The following PCDHGA2 variants were observed in gnomAD, a reference collection of about 807,000 sequenced individuals.
PCDHGA2 encodes protocadherin gamma-A2.
A neutral mutation model predicts 59.2 loss-of-function variants in PCDHGA2; 40 were observed. The observed-to-expected ratio is 0.68, with a 90% CI of 0.52 to 0.88. PCDHGA2 has a LOEUF of 0.88. Ranked by LOEUF, PCDHGA2 falls within the 40% of genes least tolerant of loss-of-function variation. The probability of loss-of-function intolerance (pLI) is 0.00; values close to 1 mark genes in which losing one functional copy is unlikely to be tolerated. For synonymous variants in PCDHGA2, 560 were observed against 526.0 expected, an observed-to-expected ratio of 1.06 and a Z score of -0.89; for missense variants, 1,226 against 1,204.0, an observed-to-expected ratio of 1.02 and a Z score of -0.27.
chr5:141,462,202 C>T (rs188546035), intron 1 of PCDHGA2, among the ~76,000 whole-genome samples: 1,522 of 152,002 alleles, frequency 0.01, 33 homozygotes, highest in African/African-American at 0.034. Flanking sequence ...TCAGGTGATC[C>T]GCCTGCCTCG....
intron 1 of PCDHGA2, chr5:141,419,568 A>T: frequency 1.2e-6 from 2 of 1,611,742 alleles, no homozygotes; most frequent in African/African-American, 2.7e-5. Flanking sequence ...CTGGGTCCCG[A>T]CGGCTCCGCG....
intron 1 of PCDHGA2, chr5:141,427,739 C>G: frequency 2.4e-6 from 3 of 1,232,634 alleles, no homozygotes; most frequent in Non-Finnish European, 3.5e-6. Context: ...ATGGCCAAGT[C>G]TCCTACTCCA....
chr5:141,369,104 T>C (rs571749140), intron 1 of PCDHGA2, among the ~76,000 whole-genome samples: 2 of 152,282 alleles, frequency 1.3e-5, no homozygotes, highest in South Asian at 2.1e-4. Context: ...GAAAATGGAA[T>C]TAAAACTGTA....
chr5:141,415,654 A>ATTGGT, intron 1 of PCDHGA2: 1 of 1,573,242 alleles, frequency 6.4e-7, no homozygotes, highest in Non-Finnish European at 8.6e-7. Flanking sequence ...AAAAAAAAAG[A>ATTGGT]TTGGTTTTTA....
At chr5:141,454,997 A>G (rs2098809547) in intron 1 of PCDHGA2, among the ~76,000 whole-genome samples, 2 of 151,192 alleles carry the variant, frequency 1.3e-5, no homozygotes, top group Admixed American at 6.6e-5. Flanking sequence ...TATTTTTAGT[A>G]GAGACGGGGT....
rs765661515 is a variant in PCDHGA2 at position 141,398,665 on chromosome 5, T to C, written c.2424+57270T>C. The stretch of plus-strand genomic sequence containing the variant: ...ACTCTCTCTTAACCCAAGTTTCTCA[T>C]TAATAATTAAGGAGAAACAGGATGG... On this transcript the variant is annotated intron_variant, in intron 1 of 3. Transcript: ENST00000394576. 1.9e-6 allele frequency: 3 copies of C among 1,614,002 alleles called. No homozygotes were observed. In the South Asian group the frequency reaches 3.3e-5, roughly 18 times the overall value.
intron 1 of PCDHGA2, among the ~76,000 whole-genome samples, chr5:141,434,579 A>T (rs931282309): frequency 6.6e-6 from 1 of 152,232 alleles, no homozygotes; most frequent in African/African-American, 2.4e-5. Context: ...CCTGCTGCAG[A>T]TAACTACCTC....
intron 1 of PCDHGA2, chr5:141,417,676 C>A (rs902104404): frequency 4.0e-6 from 4 of 993,448 alleles, no homozygotes; most frequent in Middle Eastern, 3.3e-4. Flanking sequence ...GCGCAGCCAA[C>A]AACAGAAAAG....
In PCDHGA2 at chr5:141,346,315, C is replaced by A. The variant is rs771032536; in HGVS notation, c.2424+4920C>A. On this transcript the variant is annotated intron_variant, in intron 1 of 3. Transcript: ENST00000394576. Reference sequence around the variant, plus strand: ...TATTCCCACGAGGTCTCCCTCACTGCGGACTCGCGGAAGAGCCACCTGATT... The same window carrying A: ...TATTCCCACGAGGTCTCCCTCACTGAGGACTCGCGGAAGAGCCACCTGATT... 15 of 1,614,102 alleles carry A rather than the reference C, an allele frequency of 9.3e-6. No homozygotes were observed. The highest frequency in any genetic ancestry group is 1.2e-5 in the Non-Finnish European group (14 of 1,180,052).
chr5:141,487,905 G>C lies in PCDHGA2; in HGVS notation c.2425-6902G>C. The C allele has an allele frequency of 1.5e-6, 1 of 686,388 alleles. No individual in the cohort carries two copies. 42.5% of individuals were successfully genotyped at this position (686,388 alleles called of 1,614,324 possible). On this transcript the variant is annotated intron_variant, in intron 1 of 3. Transcript: ENST00000394576. This position sits in a 1 kb window ranked among gnomAD's most constrained non-coding sequence, Gnocchi z 5.0. ...GTGGAAGCATGATGATGGAATGTGG[G>C]AGCACAGGAGGCTACAGTGCACAGG...
At position 141,381,798 on chromosome 5, in the gene PCDHGA2, C is replaced by CTCTT. The variant is rs372235829; in HGVS notation, c.2424+40424_2424+40427dup. ...ATCAGGAACAAGGCAAGGCAATTCC[C>CTCTT]TCTTTCTTTCTTTCTTTCTTTCTTC... is the stretch of plus-strand genomic sequence containing the variant. On this transcript the variant is annotated intron_variant, in intron 1 of 3. Coordinates refer to ENST00000394576, the MANE Select transcript of PCDHGA2 (RefSeq NM_018915.4). Among the ~76,000 whole-genome samples, 697 of 144,002 alleles carry CTCTT rather than the reference C, an allele frequency of 4.8e-3. 9 individuals carry two copies. The highest frequency in any genetic ancestry group is 9.2e-3 in the South Asian group (42 of 4,556). 94.5% of individuals were successfully genotyped at this position (144,002 alleles called of 152,430 possible).
intron 1 of PCDHGA2, chr5:141,354,950 C>A: frequency 2.3e-6 from 1 of 428,008 alleles, no homozygotes; most frequent in East Asian, 3.5e-5. Flanking sequence ...GAATAAATTG[C>A]AGTAACAGGT....
intron 1 of PCDHGA2, among the ~76,000 whole-genome samples, chr5:141,475,556 T>A (rs1420756007): frequency 6.6e-6 from 1 of 152,248 alleles, no homozygotes; most frequent in Non-Finnish European, 1.5e-5. Context: ...CGGCTAATTG[T>A]CTGTCTTCCA....
In PCDHGA2 at chr5:141,512,009, CAAGTT is replaced by C. The variant is rs1409890580; in HGVS notation, c.*838_*842del. On this transcript the variant is annotated 3_prime_UTR_variant, in exon 4 of 4. Transcript: ENST00000394576. ...GGGGCATGGACAAAGCTTGACACATCAAGTTATCAAGGCCTTGGAGGAGGCTCTGT... is the reference window on the plus strand; with the variant it reads ...GGGGCATGGACAAAGCTTGACACATCATCAAGGCCTTGGAGGAGGCTCTGT... 1 of 153,074 alleles carries C rather than the reference CAAGTT, an allele frequency of 6.5e-6. No individual in the cohort carries two copies. The highest frequency in any genetic ancestry group is 1.9e-4 in the East Asian group (1 of 5,182). 9.5% of individuals were successfully genotyped at this position (153,074 alleles called of 1,614,324 possible).
Position 141,341,027 on chromosome 5 carries a change from G to A in PCDHGA2, c.2056G>A (p.Asp686Asn), listed in dbSNP as rs374361232. Residue 686 changes from aspartate to asparagine, a missense_variant, in exon 1 of 4, where the codon GAT (aspartate) becomes AAT (asparagine). By Grantham distance (23) the Asp-to-Asn change is conservative. Coordinates refer to ENST00000394576, the MANE Select transcript of PCDHGA2 (RefSeq NM_018915.4). ...GSLEPSAIPN[D>N]SDLTLYLVVA... ...CCTCGAGCCCTCCGCCATACCCAAC[G>A]ATTCGGACCTCACTCTGTACCTGGT... The A allele has an allele frequency of 2.2e-5, 35 of 1,614,034 alleles. No individual in the cohort carries two copies. The highest frequency in any genetic ancestry group is 4.0e-5 in the African/African-American group (3 of 74,932).
intron 1 of PCDHGA2, chr5:141,342,418 A>T (rs1184933385): frequency 9.2e-5 from 14 of 152,190 alleles, no homozygotes; most frequent in Non-Finnish European, 1.9e-4. Flanking sequence ...AAGCACACTA[A>T]TGTTCTATGT....
rs779426857 is a variant in PCDHGA2, at chr5:141,360,094, G to C, written c.2424+18699G>C. The C allele has an allele frequency of 3.3e-6, 5 of 1,522,500 alleles. No homozygotes were observed. The African/African-American group carries it at 4.2e-5, about 13-fold the overall frequency. 94.3% of individuals were successfully genotyped at this position (1,522,500 alleles called of 1,614,324 possible). A position where few individuals can be genotyped will look rare whatever the true frequency, so the allele number is the denominator to read the frequency against. The stretch of plus-strand genomic sequence containing the variant: ...GCCCGGATTCTGCCATCCCCGGAAG[G>C]CTTATTCCTCCTATGGGCAAAGGAG... On this transcript the variant is annotated intron_variant, in intron 1 of 3. Transcript: ENST00000394576.
At chr5:141,401,813 T>C (rs2094195030) in intron 1 of PCDHGA2, among the ~76,000 whole-genome samples, 1 of 152,208 alleles carries the variant, frequency 6.6e-6, no homozygotes, top group Non-Finnish European at 1.5e-5. Context: ...ATGGGTTCCT[T>C]ACAAAGTGCT....
intron 1 of PCDHGA2, chr5:141,360,588 A>C (rs1761664531): frequency 1.2e-6 from 2 of 1,613,888 alleles, no homozygotes; most frequent in Non-Finnish European, 1.7e-6. Context: ...CAGGTACAAC[A>C]TTTCCACTTG....
Sources: gnomAD v4.1 joint callset for allele counts (sites outside exome capture counted in the v4.1 genomes callset) on GRCh38, gnomAD v4.1.1 for gene constraint, Gnocchi (gnomAD v3.1) non-coding constraint, MANE v1.5 for transcripts, NCBI Gene and HGNC (gene_info 2026-07-23, HGNC 2026-07-21) for gene names.